The following MC2R variants were observed in gnomAD, a reference collection of about 807,000 sequenced individuals.
MC2R encodes adrenocorticotropic hormone receptor.
Under a neutral mutation model 9.8 loss-of-function variants are expected in MC2R, and 9 were observed. The observed-to-expected ratio is 0.92, with a 90% confidence interval of 0.55 to 1.60. The LOEUF (loss-of-function observed/expected upper bound fraction) is 1.60, where lower values mean the gene tolerates loss of function less well. Ranked by LOEUF, MC2R falls within the 40% of genes most tolerant of loss-of-function variation. MC2R has a pLI of 0.00. For missense variants in MC2R, 370 were observed against 389.0 expected (o/e 0.95, Z 0.41); for synonymous variants, 185 against 154.7 (o/e 1.20, Z -1.45).
chr18:13,886,993 C>T (rs2045280461), intron 1 of MC2R, among the ~76,000 whole-genome samples: 1 of 152,218 alleles, frequency 6.6e-6, no homozygotes, highest in African/African-American at 2.4e-5. Context: ...AGGGTTCTGC[C>T]TGGAATGGCC....
rs766589222 is a variant in MC2R at position 13,884,574 on chromosome 18, G to A, written c.*51C>T. 54 of 1,585,940 alleles carry A rather than the reference G, an allele frequency of 3.4e-5. No homozygotes were observed. Among genetic ancestry groups the A allele is most frequent in the Non-Finnish European group, 4.5e-5 (52 of 1,162,778 alleles). ...ATTTGTTGGAATGTTACACTATTCT[G>A]GCACTTGGCAACGTTATTCCCATGG... is the stretch of plus-strand genomic sequence containing the variant. On this transcript the variant is annotated 3_prime_UTR_variant, in exon 2 of 2. Coordinates refer to ENST00000327606, the MANE Select transcript of MC2R (RefSeq NM_000529.2).
At chr18:13,907,665 C>G (rs2045421401) in intron 1 of MC2R, among the ~76,000 whole-genome samples, 1 of 152,246 alleles carries the variant, frequency 6.6e-6, no homozygotes, top group South Asian at 2.1e-4. Flanking sequence ...GGAGCTCAAA[C>G]AACTTAGCAG....
intron 1 of MC2R, among the ~76,000 whole-genome samples, chr18:13,913,834 T>C (rs557890795): frequency 6.6e-6 from 1 of 152,338 alleles, no homozygotes; most frequent in African/African-American, 2.4e-5. Context: ...AACGGCATTA[T>C]TCACATGAAA....
intron 1 of MC2R, among the ~76,000 whole-genome samples, chr18:13,888,348 C>T (rs2045290194): frequency 6.6e-6 from 1 of 152,162 alleles, no homozygotes; most frequent in Non-Finnish European, 1.5e-5. Flanking sequence ...GTGGGGGCTG[C>T]AGGTGGTGTG....
At chr18:13,910,521 G>A (rs1567903747) in intron 1 of MC2R, among the ~76,000 whole-genome samples, 1 of 152,204 alleles carries the variant, frequency 6.6e-6, no homozygotes, top group Non-Finnish European at 1.5e-5. Flanking sequence ...TGTTGATCAA[G>A]TGGAGAAGAT....
intron 1 of MC2R, among the ~76,000 whole-genome samples, chr18:13,910,000 G>A (rs1000095477): frequency 1.4e-4 from 22 of 152,192 alleles, no homozygotes; most frequent in African/African-American, 5.1e-4. Context: ...ACCAAATCCA[G>A]TGTCATGGAG....
At chr18:13,892,999 A>C (rs1467133520) in intron 1 of MC2R, among the ~76,000 whole-genome samples, 1 of 152,146 alleles carries the variant, frequency 6.6e-6, no homozygotes, top group Admixed American at 6.5e-5. Context: ...GCCCCAAATG[A>C]ACAATTTGCA....
At chr18:13,895,125 C>T (rs1237772438) in intron 1 of MC2R, among the ~76,000 whole-genome samples, 1 of 152,200 alleles carries the variant, frequency 6.6e-6, no homozygotes, top group African/African-American at 2.4e-5. Context: ...TGGGATGTGA[C>T]AATCAGCAAC....
Position 13,894,512 on chromosome 18 carries a change from T to A in MC2R, c.-128-8866A>T, listed in dbSNP as rs545411962. 2.7e-4 allele frequency among the ~76,000 whole-genome samples: 41 copies of A among 152,260 alleles called. No homozygotes were observed. The South Asian group carries it at 7.9e-3, about 29-fold the overall frequency. On this transcript the variant is annotated intron_variant, in intron 1 of 1. Transcript: ENST00000327606. ...TAGATTTTACAGGCTGTGGTCTGGA[T>A]TCTATGCGATAACGTATGTAAATTA...
At chr18:13,889,916 C>T (rs1032002200) in intron 1 of MC2R, among the ~76,000 whole-genome samples, 12 of 152,180 alleles carry the variant, frequency 7.9e-5, no homozygotes, top group East Asian at 3.9e-4. Flanking sequence ...ACCAAGAGAC[C>T]GGTCTAAAGT....
At chr18:13,902,905 C>A (rs889908903) in intron 1 of MC2R, among the ~76,000 whole-genome samples, 15 of 152,182 alleles carry the variant, frequency 9.9e-5, no homozygotes, top group East Asian at 1.9e-4. Flanking sequence ...GAAGAGACAG[C>A]CCATAGAATG....
intron 1 of MC2R, among the ~76,000 whole-genome samples, chr18:13,912,106 C>T (rs1446429120): frequency 6.6e-6 from 1 of 152,156 alleles, no homozygotes; most frequent in Non-Finnish European, 1.5e-5. Flanking sequence ...TAATACTCAA[C>T]CAGGTAAAAC....
Position 13,884,516 on chromosome 18 carries a change from A to C in MC2R, c.*109T>G. On this transcript the variant is annotated 3_prime_UTR_variant, in exon 2 of 2. Coordinates refer to ENST00000327606, the MANE Select transcript of MC2R (RefSeq NM_000529.2). ...AGCTGGTGGGATCATCCTTGCATCC[A>C]TTAGGGAAGGAAGGCCAGTGAGGAG... 1.6e-6 allele frequency: 2 copies of C among 1,215,388 alleles called. No individual in the cohort carries two copies. Among genetic ancestry groups the C allele is most frequent in the Non-Finnish European group, 2.4e-6 (2 of 832,972 alleles). 75.3% of individuals were successfully genotyped at this position (1,215,388 alleles called of 1,614,324 possible).
intron 1 of MC2R, among the ~76,000 whole-genome samples, chr18:13,913,325 G>A (rs1189103860): frequency 2.0e-5 from 3 of 152,172 alleles, no homozygotes; most frequent in African/African-American, 7.2e-5. Flanking sequence ...CTTCCTGCCA[G>A]TGTGACCCAC....
At position 13,884,701 on chromosome 18, in the gene MC2R, G is replaced by T. The variant is rs1010287971; in HGVS notation, c.818C>A (p.Pro273His). The T allele has an allele frequency of 1.3e-5, 21 of 1,613,974 alleles. No individual in the cohort carries two copies. The highest frequency in any genetic ancestry group is 2.7e-5 in the African/African-American group (2 of 74,906). Reference sequence around the variant, plus strand: ...TGGGCTCCGGAAGGCATATATGAAGGGGTCAATGACGGCATTGCACATGAT... The same window carrying T: ...TGGGCTCCGGAAGGCATATATGAAGTGGTCAATGACGGCATTGCACATGAT... Reference protein sequence around the residue: ...MLIMCNAVIDPFIYAFRSPEL... With the variant: ...MLIMCNAVIDHFIYAFRSPEL... Residue 273 changes from proline to histidine, a missense_variant, in exon 2 of 2, where the codon CCC (proline) becomes CAC (histidine). Pro to His is a moderately conservative substitution (Grantham distance 77, BLOSUM62 -2). Coordinates refer to ENST00000327606, the MANE Select transcript of MC2R (RefSeq NM_000529.2).
At chr18:13,890,151 C>T (rs563258711) in intron 1 of MC2R, among the ~76,000 whole-genome samples, 3 of 152,292 alleles carry the variant, frequency 2.0e-5, no homozygotes, top group African/African-American at 7.2e-5. Flanking sequence ...AGAGAAAAAT[C>T]TCTCTGAAAT....
At chr18:13,900,786 A>G (rs59278531) in intron 1 of MC2R, among the ~76,000 whole-genome samples, 1,704 of 152,268 alleles carry the variant, frequency 0.011, 32 homozygotes, top group African/African-American at 0.039. Context: ...ACAGGCCCCA[A>G]TACAATAATA....
chr18:13,903,942 C>G (rs2045395657), intron 1 of MC2R, among the ~76,000 whole-genome samples: 1 of 151,814 alleles, frequency 6.6e-6, no homozygotes, highest in Non-Finnish European at 1.5e-5. Context: ...TCTTAGATCT[C>G]TATATGATAA....
At chr18:13,899,773 A>C (rs532284255) in intron 1 of MC2R, among the ~76,000 whole-genome samples, 2 of 152,320 alleles carry the variant, frequency 1.3e-5, no homozygotes, top group East Asian at 1.9e-4. Flanking sequence ...CCCTTCAAAC[A>C]TGAAGAAGAA....
Sources: gnomAD v4.1 joint callset for allele counts (sites outside exome capture counted in the v4.1 genomes callset) on GRCh38, gnomAD v4.1.1 for gene constraint, MANE v1.5 for transcripts, NCBI Gene and HGNC (gene_info 2026-07-23, HGNC 2026-07-21) for gene names.